The following XKR4 variants were observed in gnomAD, a reference collection of about 807,000 sequenced individuals.
The protein encoded by XKR4 is XK-related protein 4.
A neutral mutation model predicts 53.9 loss-of-function variants in XKR4; 12 were observed. The ratio of observed to expected loss-of-function variants is 0.22; its 90% CI spans 0.14 to 0.36. The LOEUF is 0.36. Ranked by LOEUF, XKR4 falls within the 10% of genes least tolerant of loss-of-function variation. The pLI is 1.00. For synonymous variants in XKR4, 354 were observed against 362.4 expected, an observed-to-expected ratio of 0.98 and a Z score of 0.26; for missense variants, 799 against 859.5, an observed-to-expected ratio of 0.93 and a Z score of 0.88.
chr8:55,102,325 C>A lies in XKR4; in HGVS notation c.-164C>A. 6.2e-6 allele frequency: 6 copies of A among 967,178 alleles called. No individual in the cohort carries two copies. The highest frequency in any genetic ancestry group is 7.6e-6 in the Non-Finnish European group (6 of 794,016). The allele number at this position is 967,178 out of a possible 1,614,324, so 59.9% of individuals were successfully genotyped here. ...CCGGCCCAGCGCCCAGCCCGGCGGG[C>A]GGCGGGCGGCGGCGGACGGCAGGCG... On this transcript the variant is annotated 5_prime_UTR_variant, in exon 1 of 3. Coordinates refer to ENST00000327381, the MANE Select transcript of XKR4 (RefSeq NM_052898.2). This position sits in a 1 kb window ranked among gnomAD's most constrained non-coding sequence, Gnocchi z 5.1.
At chr8:55,337,679 C>G (rs1043933367) in intron 1 of XKR4, among the ~76,000 whole-genome samples, 5 of 152,076 alleles carry the variant, frequency 3.3e-5, no homozygotes, top group Admixed American at 1.3e-4. Flanking sequence ...AGATAAACAG[C>G]TATTTTAATA....
chr8:55,416,070 G>C (rs901302243), intron 2 of XKR4, among the ~76,000 whole-genome samples: 55 of 152,016 alleles, frequency 3.6e-4, no homozygotes, highest in Non-Finnish European at 7.4e-5. Flanking sequence ...TTCCACTCCC[G>C]CCATAATTTT....
Position 55,455,672 on chromosome 8 carries a change from G to A in XKR4, c.1007-67609G>A, listed in dbSNP as rs570688730. 2.8e-4 allele frequency among the ~76,000 whole-genome samples: 42 copies of A among 152,312 alleles called. 1 individual carries two copies. The South Asian group carries it at 8.5e-3, about 31-fold the overall frequency. Reference sequence around the variant, plus strand: ...TCCTGGATATGATACAACCACAGTAGGATTAGATAAGATCACCACACATTT... The same window carrying A: ...TCCTGGATATGATACAACCACAGTAAGATTAGATAAGATCACCACACATTT... On this transcript the variant is annotated intron_variant, in intron 2 of 2. Transcript: ENST00000327381.
chr8:55,343,564 G>A (rs949911970), intron 1 of XKR4, among the ~76,000 whole-genome samples: 4 of 152,090 alleles, frequency 2.6e-5, no homozygotes, highest in Admixed American at 6.5e-5. Flanking sequence ...GCCAATGTAC[G>A]CTGGGAGCAG....
Position 55,102,555 on chromosome 8 carries a change from C to A in XKR4, c.67C>A (p.Gln23Lys). Residue 23 changes from glutamine (Q) to lysine (K), a missense_variant, in exon 1 of 3, where the codon CAG (glutamine) becomes AAG (lysine). By Grantham distance (53) the Gln-to-Lys change is moderately conservative. Transcript: ENST00000327381. This position sits in a 1 kb window ranked among gnomAD's most constrained non-coding sequence, Gnocchi z 5.1. ...KSSDVAFTPL[Q>K]NSDHSGSVQG... ...CAGCGACGTGGCGTTCACCCCGCTG[C>A]AGAACTCGGACCACTCGGGCTCGGT... 9 of 1,554,350 alleles carry A rather than the reference C, an allele frequency of 5.8e-6. No homozygotes were observed. The highest frequency in any genetic ancestry group is 7.8e-6 in the Non-Finnish European group (9 of 1,147,736).
intron 1 of XKR4, among the ~76,000 whole-genome samples, chr8:55,232,727 C>T (rs1445048229): frequency 6.6e-6 from 1 of 152,092 alleles, no homozygotes; most frequent in Non-Finnish European, 1.5e-5. Context: ...GATGATTTTC[C>T]TCCCTATTCT....
chr8:55,292,529 T>C (rs1020885860), intron 1 of XKR4, among the ~76,000 whole-genome samples: 1 of 152,176 alleles, frequency 6.6e-6, no homozygotes, highest in African/African-American at 2.4e-5. Flanking sequence ...TGGTAATGTG[T>C]GTTCTCTCTT....
At chr8:55,186,410 C>T (rs2129360443) in intron 1 of XKR4, among the ~76,000 whole-genome samples, 1 of 152,220 alleles carries the variant, frequency 6.6e-6, no homozygotes, top group East Asian at 1.9e-4. Context: ...AATTGCAGCA[C>T]TTTGGGAGGC....
chr8:55,109,489 T>C (rs1042485275), intron 1 of XKR4, among the ~76,000 whole-genome samples: 21 of 152,194 alleles, frequency 1.4e-4, no homozygotes, highest in East Asian at 1.2e-3. Context: ...GTGCTGGCTT[T>C]GGCATCAAGA....
intron 1 of XKR4, among the ~76,000 whole-genome samples, chr8:55,149,681 C>T (rs566468923): frequency 1.3e-5 from 2 of 152,102 alleles, no homozygotes; most frequent in Non-Finnish European, 2.9e-5. Flanking sequence ...TATAGCTTAG[C>T]TGAGCCCATA....
intron 1 of XKR4, among the ~76,000 whole-genome samples, chr8:55,336,884 C>T (rs1301020591): frequency 1.3e-5 from 2 of 152,136 alleles, no homozygotes; most frequent in African/African-American, 2.4e-5. Context: ...GCATCAGGCG[C>T]ACACGAACCT....
In XKR4 at chr8:55,229,440, T is replaced by C. The variant is rs185587355; in HGVS notation, c.806+126146T>C. Among the ~76,000 whole-genome samples the C allele has an allele frequency of 7.9e-5, 12 of 152,338 alleles. No individual in the cohort carries two copies. In the East Asian group the frequency reaches 1.4e-3, roughly 17 times the overall value. ...CAGTCGTTTCAGGCTTCGTGGTATC[T>C]AGAGCAGCACTGGACTATTCCGTGC... On this transcript the variant is annotated intron_variant, in intron 1 of 2. Coordinates refer to ENST00000327381, the MANE Select transcript of XKR4 (RefSeq NM_052898.2).
Position 55,402,379 on chromosome 8 carries a change from G to A in XKR4, c.1006+44502G>A, listed in dbSNP as rs112356920. Among the ~76,000 whole-genome samples the A allele has an allele frequency of 4.4e-3, 672 of 152,294 alleles. 5 individuals carry two copies. Among genetic ancestry groups the A allele is most frequent in the African/African-American group, 0.015 (629 of 41,556 alleles). ...CACTGTGCAAATAGGTCTTAGTGAC[G>A]TTGCTTTAAGGAACTCAGGATTGAG... On this transcript the variant is annotated intron_variant, in intron 2 of 2. Coordinates refer to ENST00000327381, the MANE Select transcript of XKR4 (RefSeq NM_052898.2).
intron 2 of XKR4, among the ~76,000 whole-genome samples, chr8:55,426,373 G>T (rs956979155): frequency 6.7e-6 from 1 of 149,266 alleles, no homozygotes; most frequent in African/African-American, 2.5e-5. Context: ...GCTCACTTGC[G>T]CTCTCTCTCT....
At chr8:55,478,429 C>A (rs1288671495) in intron 2 of XKR4, among the ~76,000 whole-genome samples, 12 of 152,038 alleles carry the variant, frequency 7.9e-5, no homozygotes. Context: ...CAACCGGTAC[C>A]AGCCACTGCA....
At chr8:55,378,351 C>T (rs758088924) in intron 2 of XKR4, among the ~76,000 whole-genome samples, 12 of 152,148 alleles carry the variant, frequency 7.9e-5, no homozygotes, top group Non-Finnish European at 1.2e-4. Flanking sequence ...ATGCAAGATT[C>T]GTCTGAATGC....
At chr8:55,385,697 T>C (rs1804299517) in intron 2 of XKR4, among the ~76,000 whole-genome samples, 1 of 152,214 alleles carries the variant, frequency 6.6e-6, no homozygotes. Flanking sequence ...TACATTTTGG[T>C]ATATTTGTTT....
At chr8:55,511,868 T>C (rs1011220324) in intron 2 of XKR4, among the ~76,000 whole-genome samples, 1 of 152,194 alleles carries the variant, frequency 6.6e-6, no homozygotes, top group Admixed American at 6.5e-5. Context: ...GTATTCTTTC[T>C]CTGTCATGCT....
intron 1 of XKR4, among the ~76,000 whole-genome samples, chr8:55,111,781 A>C (rs1480761): frequency 6.6e-6 from 1 of 152,070 alleles, no homozygotes; most frequent in Admixed American, 6.5e-5. Context: ...ACAACGCTTC[A>C]CAGGCTTGAA....
Sources: allele counts gnomAD v4.1 joint callset (sites outside exome capture counted in the v4.1 genomes callset), GRCh38; gene constraint gnomAD v4.1.1; non-coding constraint Gnocchi (gnomAD v3.1); transcripts MANE v1.5; gene names NCBI Gene and HGNC (gene_info 2026-07-23, HGNC 2026-07-21).